IQUB: variants seen among roughly 807,000 people sequenced by gnomAD.
The protein encoded by IQUB is IQ motif and ubiquitin-like domain-containing protein.
In IQUB, 86 loss-of-function variants were observed where a neutral mutation model predicts 86.4. The ratio of observed to expected loss-of-function variants is 1.00; its 90% confidence interval spans 0.84 to 1.19. IQUB has a LOEUF of 1.19. Ranked by LOEUF, IQUB falls within the 50% of genes most tolerant of loss-of-function variation. The pLI is 0.00. For missense variants in IQUB, 946 were observed against 916.9 expected, an observed-to-expected ratio of 1.03 and a Z score of -0.41; for synonymous variants, 289 against 304.5, an observed-to-expected ratio of 0.95 and a Z score of 0.53.
At chr7:123,529,724 T>TAAAAAAAAAAAAAA (rs753026777) in intron 1 of IQUB, among the ~76,000 whole-genome samples, 1 of 35,822 alleles carries the variant, frequency 2.8e-5, no homozygotes, top group African/African-American at 1.3e-4. Context: ...TGTCTCTACT[T>TAAAAAAAAAAAAAA]AAAAAAAAAA....
At chr7:123,502,780 C>A in intron 5 of IQUB, 28 bp from the exon 6 acceptor site, 1 of 1,531,680 alleles carries the variant, frequency 6.5e-7, no homozygotes, top group South Asian at 1.2e-5. Context: ...AAATTTAAAT[C>A]AGTATCCCCT....
chr7:123,478,921 T>C (rs1446965606), intron 8 of IQUB, among the ~76,000 whole-genome samples: 1 of 152,110 alleles, frequency 6.6e-6, no homozygotes, highest in Non-Finnish European at 1.5e-5. Flanking sequence ...GGATATATGA[T>C]GTAGAAGCTC....
intron 8 of IQUB, 75 bp downstream of exon 8, chr7:123,479,719 TC>T (rs1794907560): frequency 9.7e-7 from 1 of 1,028,966 alleles, no homozygotes; most frequent in Admixed American, 2.7e-5. Context: ...GCAATCTAAG[TC>T]TCTTGTCTGG....
intron 9 of IQUB, 28 bp from the exon 10 acceptor site, chr7:123,465,037 T>C (rs199682380): frequency 1.4e-4 from 191 of 1,414,492 alleles, no homozygotes; most frequent in Admixed American, 1.7e-4. Flanking sequence ...ATATATGGTA[T>C]AAAATTTTAC....
At chr7:123,523,359 C>G (rs1452019453) in intron 1 of IQUB, among the ~76,000 whole-genome samples, 2 of 146,702 alleles carry the variant, frequency 1.4e-5, no homozygotes, top group African/African-American at 2.5e-5. Flanking sequence ...TCCTCTCCAG[C>G]ACCTGTTGTT....
chr7:123,490,081 T>C (rs1795389806), intron 7 of IQUB, among the ~76,000 whole-genome samples: 1 of 151,998 alleles, frequency 6.6e-6, no homozygotes, highest in South Asian at 2.1e-4. Flanking sequence ...AGTCTAAACA[T>C]CCAAATTAAA....
chr7:123,491,490 G>C (rs1795459033), intron 7 of IQUB, among the ~76,000 whole-genome samples: 1 of 152,106 alleles, frequency 6.6e-6, no homozygotes, highest in African/African-American at 2.4e-5. Context: ...ACCAGTATCA[G>C]TAATTGAGGT....
intron 6 of IQUB, among the ~76,000 whole-genome samples, chr7:123,499,633 C>T (rs1201784099): frequency 6.6e-6 from 1 of 151,946 alleles, no homozygotes; most frequent in Non-Finnish European, 1.5e-5. Context: ...AAGGAGGGGG[C>T]AGAAAATGAA....
chr7:123,481,243 C>T (rs774934151), intron 7 of IQUB, among the ~76,000 whole-genome samples: 64 of 152,076 alleles, frequency 4.2e-4, no homozygotes, highest in Non-Finnish European at 6.8e-4. Flanking sequence ...AGCCATCACC[C>T]CCCACTTATG....
chr7:123,499,196 C>T (rs1170098246), intron 6 of IQUB, among the ~76,000 whole-genome samples: 2 of 152,046 alleles, frequency 1.3e-5, no homozygotes, highest in Non-Finnish European at 2.9e-5. Flanking sequence ...CTGCAGCCTC[C>T]GCCTCCTGGG....
chr7:123,513,028 G>C (rs558766012), intron 1 of IQUB, among the ~76,000 whole-genome samples: 166 of 152,236 alleles, frequency 1.1e-3, no homozygotes, highest in African/African-American at 3.9e-3. Flanking sequence ...ATAGCAGGGA[G>C]CCCACCTATA....
chr7:123,452,859 G>A lies in IQUB; in HGVS notation c.2260C>T (p.Gln754Ter), dbSNP rs1320756708. 1 of 1,613,480 alleles carries A rather than the reference G, an allele frequency of 6.2e-7. No homozygotes were observed. The highest frequency in any genetic ancestry group is 1.7e-5 in the Admixed American group (1 of 59,992). The part of the protein sequence containing the change: ...KHILAKNYFS[Q>*]VPVLASFILD... Reference sequence around the variant, plus strand: ...ATAAATGAAGCCAGCACTGGAACCTGAGAAAAATAGTTCTTAGCCAGGATA... The same window carrying A: ...ATAAATGAAGCCAGCACTGGAACCTAAGAAAAATAGTTCTTAGCCAGGATA... The change falls in exon 13 of 13, where the codon CAG becomes TAG. Residue 754 changes from glutamine to a stop codon, truncating the protein, a stop_gained. Transcript: ENST00000324698. LOFTEE classifies it low-confidence loss of function (END_TRUNC).
intron 7 of IQUB, among the ~76,000 whole-genome samples, chr7:123,495,637 A>G (rs1795677664): frequency 6.6e-6 from 1 of 152,168 alleles, no homozygotes; most frequent in African/African-American, 2.4e-5. Context: ...CTGTGTCTTC[A>G]TAAGGGTCTA....
chr7:123,490,140 T>C (rs1421526937), intron 7 of IQUB, among the ~76,000 whole-genome samples: 1 of 151,850 alleles, frequency 6.6e-6, no homozygotes, highest in Non-Finnish European at 1.5e-5. Flanking sequence ...CAGTTATATG[T>C]TGCCTACAAA....
chr7:123,496,929 TAG>T (rs1795731257), intron 6 of IQUB, 23 bp from the exon 7 acceptor site: 1 of 1,495,486 alleles, frequency 6.7e-7, no homozygotes, highest in Admixed American at 2.0e-5. Flanking sequence ...TAAAAGGAAA[TAG>T]AAAGTGCCTA....
At chr7:123,513,379 A>G (rs531374099) in intron 1 of IQUB, among the ~76,000 whole-genome samples, 1 of 152,336 alleles carries the variant, frequency 6.6e-6, no homozygotes, top group East Asian at 1.9e-4. Context: ...CAAACAGATA[A>G]GATACAAAAA....
chr7:123,461,636 G>T, intron 10 of IQUB, 31 bp from the exon 11 acceptor site: 1 of 1,511,628 alleles, frequency 6.6e-7, no homozygotes, highest in Non-Finnish European at 8.8e-7. Context: ...GAAAAAAAAG[G>T]TCTAAAAAGC....
At position 123,517,551 on chromosome 7, in the gene IQUB, A is replaced by AG. The variant is rs1352667158; in HGVS notation, c.-4-5208_-4-5207insC. ...ATCTCAAAAAAAAAAAAAAAAAAAA[A>AG]AAAAAAGAAAGAGACCCTATATCTT... On this transcript the variant is annotated intron_variant, in intron 1 of 12. Coordinates refer to ENST00000324698, the MANE Select transcript of IQUB (RefSeq NM_178827.5). Among the ~76,000 whole-genome samples, 163 of 149,952 alleles carry AG rather than the reference A, an allele frequency of 1.1e-3. 1 individual carries two copies. Among genetic ancestry groups the AG allele is most frequent in the Non-Finnish European group, 1.9e-3 (130 of 67,374 alleles).
At chr7:123,457,314 C>A in intron 12 of IQUB, 67 bp downstream of exon 12, 1 of 1,564,102 alleles carries the variant, frequency 6.4e-7, no homozygotes. Context: ...TATTAGAAGG[C>A]AGTCCAGTTA....
Sources: gnomAD v4.1 joint callset for allele counts (sites outside exome capture counted in the v4.1 genomes callset) on GRCh38, gnomAD v4.1.1 for gene constraint, MANE v1.5 for transcripts, NCBI Gene and HGNC (gene_info 2026-07-23, HGNC 2026-07-21) for gene names.